The following FUBP3 variants were observed in gnomAD, a reference collection of about 807,000 sequenced individuals.
FUBP3 encodes far upstream element binding protein 3.
Under a neutral mutation model 85.6 loss-of-function variants are expected in FUBP3, and 28 were observed. The observed-to-expected ratio is 0.33, with a 90% CI of 0.24 to 0.45. The LOEUF (loss-of-function observed/expected upper bound fraction) is 0.45, where lower values mean the gene tolerates loss of function less well. Among genes scored for constraint, FUBP3 ranks in the 20% least tolerant of loss-of-function variants. The pLI is 1.00. For missense variants in FUBP3, 583 were observed against 755.1 expected (o/e 0.77, Z 2.67); for synonymous variants, 271 against 271.4 (o/e 1.00, Z 0.01).
rs923136281 is a variant in FUBP3, at chr9:130,603,251, G to A, written c.191-6703G>A. On this transcript the variant is annotated intron_variant, in intron 2 of 18. Coordinates refer to ENST00000319725, the MANE Select transcript of FUBP3 (RefSeq NM_003934.2). ...AGTCCCAGCTCTTCGGGAGGCTGAG[G>A]TGGGAGAATGGCCTGAACCCGGGAG... Among the ~76,000 whole-genome samples, 3 of 151,540 alleles carry A rather than the reference G, an allele frequency of 2.0e-5. 1 individual carries two copies. The highest frequency in any genetic ancestry group is 6.8e-3 in the Middle Eastern group (2 of 292).
At chr9:130,599,040 C>G (rs1306353396) in intron 2 of FUBP3, among the ~76,000 whole-genome samples, 1 of 152,116 alleles carries the variant, frequency 6.6e-6, no homozygotes, top group Non-Finnish European at 1.5e-5. Context: ...CGCCTGTAAT[C>G]CCAGCACTTT....
In FUBP3 at chr9:130,605,182, TGAG is replaced by T. The variant is rs531331173; in HGVS notation, c.191-4768_191-4766del. 9.2e-5 allele frequency among the ~76,000 whole-genome samples: 14 copies of T among 152,308 alleles called. No homozygotes were observed. The South Asian group carries it at 1.5e-3, about 16-fold the overall frequency. On this transcript the variant is annotated intron_variant, in intron 2 of 18. Coordinates refer to ENST00000319725, the MANE Select transcript of FUBP3 (RefSeq NM_003934.2). ...AGAATTCTTTTTCCTCTTAGGCTCT[TGAG>T]GAGAAGGTGCAGGGCCCAACACGTC...
intron 5 of FUBP3, 100 bp downstream of exon 5, chr9:130,613,127 C>T (rs1387418941): frequency 1.2e-5 from 9 of 721,498 alleles, no homozygotes; most frequent in Admixed American, 4.3e-5. Flanking sequence ...TAAGTATATG[C>T]GATTAGTGTT....
rs1274867750 is a variant in FUBP3, at chr9:130,579,636, GCGTCGGCGGCGTCGGCGGCGGCGGCGA to G, written c.-42_-16del. Reference sequence around the variant, plus strand: ...GGCCGGACCGGGGAGCCGAGCGGCGGCGTCGGCGGCGTCGGCGGCGGCGGCGACGGCGGCGGGGGCGGTAATGGCGGA... The same window carrying G: ...GGCCGGACCGGGGAGCCGAGCGGCGGCGGCGGCGGGGGCGGTAATGGCGGA... On this transcript the variant is annotated 5_prime_UTR_variant, in exon 1 of 19. Coordinates refer to ENST00000319725, the MANE Select transcript of FUBP3 (RefSeq NM_003934.2). 5 of 1,121,402 alleles carry G rather than the reference GCGTCGGCGGCGTCGGCGGCGGCGGCGA, an allele frequency of 4.5e-6. No homozygotes were observed. The highest frequency in any genetic ancestry group is 5.6e-6 in the Non-Finnish European group (5 of 886,568). 69.5% of individuals were successfully genotyped at this position (1,121,402 alleles called of 1,614,324 possible). A position where few individuals can be genotyped will look rare whatever the true frequency, so the allele number is the denominator to read the frequency against.
chr9:130,619,051 C>T (rs1174016948), intron 8 of FUBP3, among the ~76,000 whole-genome samples: 1 of 152,214 alleles, frequency 6.6e-6, no homozygotes, highest in Non-Finnish European at 1.5e-5. Context: ...TTTCCCCACC[C>T]TGCTCAGCGT....
intron 15 of FUBP3, 40 bp downstream of exon 15, chr9:130,632,062 C>T: frequency 1.3e-6 from 2 of 1,517,274 alleles, no homozygotes; most frequent in Non-Finnish European, 1.8e-6. Context: ...ACAGACGGCA[C>T]TAAGGTGGTC....
chr9:130,631,095 C>T lies in FUBP3; in HGVS notation c.1278+307C>T, dbSNP rs566500918. On this transcript the variant is annotated intron_variant, in intron 13 of 18. Coordinates refer to ENST00000319725, the MANE Select transcript of FUBP3 (RefSeq NM_003934.2). Reference sequence around the variant, plus strand: ...GCGGCAGCCTCCCCCCACGCTGCCCCGGGACTCCGCTGGCATTGCCCTGGC... The same window carrying T: ...GCGGCAGCCTCCCCCCACGCTGCCCTGGGACTCCGCTGGCATTGCCCTGGC... The T allele has an allele frequency of 3.0e-5, 34 of 1,145,200 alleles. No homozygotes were observed. In the East Asian group the frequency reaches 5.8e-4, roughly 20 times the overall value. 70.9% of individuals were successfully genotyped at this position (1,145,200 alleles called of 1,614,324 possible).
intron 9 of FUBP3, 40 bp downstream of exon 9, chr9:130,620,498 G>T: frequency 1.1e-6 from 1 of 926,442 alleles, no homozygotes; most frequent in Non-Finnish European, 1.7e-6. Flanking sequence ...ATGAGATGAG[G>T]ACTAAAGTTG....
intron 16 of FUBP3, among the ~76,000 whole-genome samples, chr9:130,633,382 C>T (rs1474629108): frequency 6.6e-6 from 1 of 152,214 alleles, no homozygotes; most frequent in African/African-American, 2.4e-5. Flanking sequence ...TTCCTTTCCT[C>T]GGCTCCTCAC....
rs149884675 is a variant in FUBP3, at chr9:130,608,873, C to T, written c.191-1081C>T. On this transcript the variant is annotated intron_variant, in intron 2 of 18. Coordinates refer to ENST00000319725, the MANE Select transcript of FUBP3 (RefSeq NM_003934.2). ...TTACTGTCCAGTCGGAGAATGACAG[C>T]AGTGAGTTTGAGCACAAGCAGAGCA... is the stretch of plus-strand genomic sequence containing the variant. 9.2e-4 allele frequency among the ~76,000 whole-genome samples: 140 copies of T among 152,268 alleles called. 1 individual carries two copies. The highest frequency in any genetic ancestry group is 3.3e-3 in the African/African-American group (136 of 41,566).
chr9:130,634,618 G>A (rs764730007), intron 16 of FUBP3, 49 bp from the exon 17 acceptor site: 32 of 1,517,564 alleles, frequency 2.1e-5, no homozygotes, highest in Non-Finnish European at 2.9e-5. Context: ...CTGGGGCCGA[G>A]GCTGTGAGGA....
chr9:130,632,917 C>G (rs944792129), intron 16 of FUBP3, among the ~76,000 whole-genome samples: 1 of 152,260 alleles, frequency 6.6e-6, no homozygotes, highest in Non-Finnish European at 1.5e-5. Context: ...AAAGCAGAAC[C>G]CTTACCTTAG....
At chr9:130,624,643 GTGTGTGTGTT>G (rs942239689) in intron 11 of FUBP3, among the ~76,000 whole-genome samples, 9 of 151,228 alleles carry the variant, frequency 6.0e-5, no homozygotes, top group African/African-American at 2.0e-4. Context: ...GTGTGTGTGT[GTGTGTGTGTT>G]TTTAAGCTCA....
chr9:130,584,053 A>G (rs1416862374), intron 1 of FUBP3, among the ~76,000 whole-genome samples: 1 of 152,038 alleles, frequency 6.6e-6, no homozygotes, highest in Non-Finnish European at 1.5e-5. Context: ...TCTTTATTTT[A>G]AAATCTGATA....
intron 8 of FUBP3, among the ~76,000 whole-genome samples, chr9:130,619,930 C>G (rs1829670916): frequency 6.6e-6 from 1 of 152,222 alleles, no homozygotes. Context: ...GCAAAGTTCT[C>G]TGTCTCATGG....
rs34850259 is a variant in FUBP3, at chr9:130,603,347, CAAAAAA to C, written c.191-6591_191-6586del. Among the ~76,000 whole-genome samples the C allele has an allele frequency of 1.9e-4, 16 of 83,830 alleles. No individual in the cohort carries two copies. The East Asian group carries it at 3.5e-3, about 19-fold the overall frequency. The allele number at this position is 83,830 out of a possible 152,430, so 55.0% of individuals were successfully genotyped here. A position where few individuals can be genotyped will look rare whatever the true frequency, so the allele number is the denominator to read the frequency against. ...GGGCGACAGAGCAAGACTCTGTCTC[CAAAAAA>C]AAAAAAAAAAAAAAACAAATAGTGA... On this transcript the variant is annotated intron_variant, in intron 2 of 18. Transcript: ENST00000319725.
intron 1 of FUBP3, chr9:130,581,927 C>G (rs1311505451): frequency 6.6e-6 from 1 of 152,188 alleles, no homozygotes; most frequent in South Asian, 2.1e-4. Flanking sequence ...AGTCCAACAC[C>G]TTATCAACTA....
intron 12 of FUBP3, among the ~76,000 whole-genome samples, chr9:130,629,934 C>G (rs991699137): frequency 2.6e-5 from 4 of 152,234 alleles, no homozygotes; most frequent in Non-Finnish European, 4.4e-5. Flanking sequence ...TTTTATTACG[C>G]AAATTTCATT....
intron 3 of FUBP3, among the ~76,000 whole-genome samples, chr9:130,611,752 C>T (rs1455237139): frequency 6.7e-6 from 1 of 148,760 alleles, no homozygotes; most frequent in Non-Finnish European, 1.5e-5. Flanking sequence ...GTCCACAATA[C>T]ACTTTATGGC....
Sources: gnomAD v4.1 joint callset for allele counts (sites outside exome capture counted in the v4.1 genomes callset) on GRCh38, gnomAD v4.1.1 for gene constraint, MANE v1.5 for transcripts, NCBI Gene and HGNC (gene_info 2026-07-23, HGNC 2026-07-21) for gene names.